The following HTR1F variants were observed in gnomAD, a reference collection of about 807,000 sequenced individuals.
HTR1F encodes 5-hydroxytryptamine (serotonin) receptor 1F, G protein-coupled.
In HTR1F, 17 loss-of-function variants were observed where a neutral mutation model predicts 24.0. That is an observed-to-expected ratio of 0.71 (90% CI 0.48 to 1.06). The LOEUF is 1.06. Among genes scored for constraint, HTR1F ranks in the 50% least tolerant of loss-of-function variants. The probability of loss-of-function intolerance (pLI) is 0.00; values close to 1 mark genes in which losing one functional copy is unlikely to be tolerated. For synonymous variants in HTR1F, 186 were observed against 156.8 expected (o/e 1.19, Z -1.39); for missense variants, 391 against 427.8 (o/e 0.91, Z 0.76).
intron 2 of HTR1F, among the ~76,000 whole-genome samples, chr3:87,824,153 G>C (rs1181619314): frequency 2.0e-5 from 3 of 151,870 alleles, no homozygotes; most frequent in Non-Finnish European, 2.9e-5. Flanking sequence ...ATCTCTCCCT[G>C]TATGTCTACT....
At chr3:87,872,340 A>G (rs1291716197) in intron 2 of HTR1F, among the ~76,000 whole-genome samples, 1 of 152,102 alleles carries the variant, frequency 6.6e-6, no homozygotes, top group Non-Finnish European at 1.5e-5. Flanking sequence ...CTTATTTTCT[A>G]TGCAAGCTTC....
At chr3:87,837,737 A>G (rs1257632447) in intron 2 of HTR1F, among the ~76,000 whole-genome samples, 3 of 152,018 alleles carry the variant, frequency 2.0e-5, no homozygotes, top group Non-Finnish European at 4.4e-5. Flanking sequence ...TTCACCTCAT[A>G]TTTTCTATAG....
intron 2 of HTR1F, among the ~76,000 whole-genome samples, chr3:87,901,998 A>T (rs922496527): frequency 3.5e-4 from 54 of 152,238 alleles, no homozygotes; most frequent in African/African-American, 1.2e-3. Flanking sequence ...AAATATATTA[A>T]TTTTTATAAA....
At chr3:87,935,156 C>T (rs1704381102) in intron 2 of HTR1F, among the ~76,000 whole-genome samples, 1 of 152,168 alleles carries the variant, frequency 6.6e-6, no homozygotes, top group Non-Finnish European at 1.5e-5. Context: ...GTGTGAACCA[C>T]CATCTCTGGT....
At chr3:87,985,381 T>G (rs1367128181) in intron 2 of HTR1F, among the ~76,000 whole-genome samples, 3 of 151,906 alleles carry the variant, frequency 2.0e-5, no homozygotes, top group African/African-American at 7.3e-5. Context: ...ATAAGCCTCA[T>G]GACTGAAATA....
chr3:87,969,868 A>T (rs976413367), intron 2 of HTR1F, among the ~76,000 whole-genome samples: 2 of 152,180 alleles, frequency 1.3e-5, no homozygotes, highest in Admixed American at 1.3e-4. Context: ...TAATTGAATC[A>T]TGGGGGCACA....
At chr3:87,917,562 T>C (rs934630369) in intron 2 of HTR1F, among the ~76,000 whole-genome samples, 7 of 151,646 alleles carry the variant, frequency 4.6e-5, no homozygotes, top group African/African-American at 1.5e-4. Flanking sequence ...ATGCAAAAGA[T>C]CATACAAGGC....
At chr3:87,939,232 T>G (rs1249913000) in intron 2 of HTR1F, among the ~76,000 whole-genome samples, 1 of 152,144 alleles carries the variant, frequency 6.6e-6, no homozygotes, top group African/African-American at 2.4e-5. Context: ...CTGACTTGAT[T>G]GTGGTGGATA....
chr3:87,976,348 T>C (rs1705394672), intron 2 of HTR1F, among the ~76,000 whole-genome samples: 1 of 152,092 alleles, frequency 6.6e-6, no homozygotes, highest in Non-Finnish European at 1.5e-5. Flanking sequence ...CTGAAATTGC[T>C]TAAACTGTGC....
Position 87,971,943 on chromosome 3 carries a change from T to C in HTR1F, c.-42-18765T>C, listed in dbSNP as rs536958363. On this transcript the variant is annotated intron_variant, in intron 2 of 2. Coordinates refer to ENST00000319595, the MANE Select transcript of HTR1F (RefSeq NM_001322209.2). ...CAAATATACTTATAGGGGAAGTTCT[T>C]AGAAATAGAATGACTGGATAAAAAT... is the stretch of plus-strand genomic sequence containing the variant. Among the ~76,000 whole-genome samples the C allele has an allele frequency of 4.6e-5, 7 of 152,366 alleles. No homozygotes were observed. The East Asian group carries it at 1.3e-3, about 29-fold the overall frequency.
chr3:87,870,480 A>G (rs748088101), intron 2 of HTR1F, among the ~76,000 whole-genome samples: 3 of 152,114 alleles, frequency 2.0e-5, no homozygotes, highest in Non-Finnish European at 4.4e-5. Flanking sequence ...AATTAAGAAA[A>G]GCTACTGTAT....
At chr3:87,934,315 G>T (rs1704359028) in intron 2 of HTR1F, among the ~76,000 whole-genome samples, 1 of 152,200 alleles carries the variant, frequency 6.6e-6, no homozygotes, top group South Asian at 2.1e-4. Flanking sequence ...CACTGTTGGT[G>T]TTCCACCTTA....
In HTR1F at chr3:87,840,984, T is replaced by C. The variant is rs574008219; in HGVS notation, c.-43+18860T>C. ...TGGTCAGTGGGTACAAAGCTACTGT[T>C]AGATAAGAGACACAGTTCTGACGTT... On this transcript the variant is annotated intron_variant, in intron 2 of 2. Coordinates refer to ENST00000319595, the MANE Select transcript of HTR1F (RefSeq NM_001322209.2). Among the ~76,000 whole-genome samples, 4 of 152,056 alleles carry C rather than the reference T, an allele frequency of 2.6e-5. No individual in the cohort carries two copies. In the South Asian group the frequency reaches 6.2e-4, roughly 24 times the overall value.
At chr3:87,969,621 G>T (rs534886907) in intron 2 of HTR1F, among the ~76,000 whole-genome samples, 1 of 152,302 alleles carries the variant, frequency 6.6e-6, no homozygotes, top group South Asian at 2.1e-4. Flanking sequence ...TGGGCTCACA[G>T]GCGGAAGGGA....
At chr3:87,898,488 T>C (rs550758165) in intron 2 of HTR1F, among the ~76,000 whole-genome samples, 1 of 152,308 alleles carries the variant, frequency 6.6e-6, no homozygotes, top group South Asian at 2.1e-4. Flanking sequence ...TCATAATTCA[T>C]GCCTCAACAG....
intron 2 of HTR1F, among the ~76,000 whole-genome samples, chr3:87,873,518 C>A (rs1705606085): frequency 6.6e-6 from 1 of 152,148 alleles, no homozygotes; most frequent in African/African-American, 2.4e-5. Context: ...TAAGGGCAAT[C>A]ATCTCTACTC....
chr3:87,823,407 C>A (rs1327878938), intron 2 of HTR1F, among the ~76,000 whole-genome samples: 2 of 152,104 alleles, frequency 1.3e-5, no homozygotes, highest in African/African-American at 2.4e-5. Context: ...CTTCGTAGTT[C>A]ATCTTCCTTT....
At chr3:87,964,800 G>C (rs1409455410) in intron 2 of HTR1F, among the ~76,000 whole-genome samples, 1 of 152,106 alleles carries the variant, frequency 6.6e-6, no homozygotes, top group Non-Finnish European at 1.5e-5. Context: ...ATATGATATG[G>C]CTGTATCCTT....
chr3:87,937,940 A>AG (rs1490957142), intron 2 of HTR1F, among the ~76,000 whole-genome samples: 1 of 151,836 alleles, frequency 6.6e-6, no homozygotes, highest in Non-Finnish European at 1.5e-5. Context: ...AAAAAAAAAA[A>AG]AAAGAAGAAA....
Sources: allele counts gnomAD v4.1 joint callset (sites outside exome capture counted in the v4.1 genomes callset), GRCh38; gene constraint gnomAD v4.1.1; transcripts MANE v1.5; gene names NCBI Gene and HGNC (gene_info 2026-07-23, HGNC 2026-07-21).